The following ZNF676 variants were observed in gnomAD, a reference collection of about 807,000 sequenced individuals.
The protein encoded by ZNF676 is zinc finger protein 676.
Under a neutral mutation model 6.0 loss-of-function variants are expected in ZNF676, and 4 were observed. The ratio of observed to expected loss-of-function variants is 0.67; its 90% CI spans 0.33 to 1.53. The LOEUF (loss-of-function observed/expected upper bound fraction) is 1.53, where lower values mean the gene tolerates loss of function less well. Ranked by LOEUF, ZNF676 falls within the 40% of genes most tolerant of loss-of-function variation. The pLI is 0.06. For missense variants in ZNF676, 644 were observed against 679.7 expected (o/e 0.95, Z 0.58); for synonymous variants, 198 against 223.1 (o/e 0.89, Z 1.00).
At chr19:22,230,610 ATATG>A in the ZNF676 span, among the ~76,000 whole-genome samples, 1 of 150,980 alleles carries the variant, frequency 6.6e-6, no homozygotes, top group Non-Finnish European at 1.5e-5. Flanking sequence ...ATGTGTATAT[ATATG>A]TATGTATATT....
the ZNF676 span, among the ~76,000 whole-genome samples, chr19:22,234,591 C>G: frequency 6.6e-6 from 1 of 152,118 alleles, no homozygotes; most frequent in South Asian, 2.1e-4. Context: ...AGAGTTGTCT[C>G]TCAAAAGGAG....
At chr19:22,217,162 C>G (rs992113588), upstream of ZNF676, among the ~76,000 whole-genome samples, 3 of 151,992 alleles carry the variant, frequency 2.0e-5, no homozygotes, top group Non-Finnish European at 4.4e-5. Flanking sequence ...TCCTACCCTT[C>G]CCACTGAGTG....
Position 22,181,280 on chromosome 19 carries a change from T to G in ZNF676, c.437A>C (p.Tyr146Ser). Reference protein sequence around the residue: ...TGEKGLKCKEYVRSFCMLSHL... With the variant: ...TGEKGLKCKESVRSFCMLSHL... Reference sequence around the variant, plus strand: ...TGAAAGCATGCAAAATGATCTGACATATTCTTTACATTTCAAACCTTTCTC... The same window carrying G: ...TGAAAGCATGCAAAATGATCTGACAGATTCTTTACATTTCAAACCTTTCTC... Residue 146 changes from tyrosine to serine, a missense_variant, in exon 3 of 3, where the codon TAT becomes TCT. Transcript: ENST00000397121. 6.2e-7 allele frequency: 1 copy of G among 1,613,782 alleles called. No homozygotes were observed.
the ZNF676 span, among the ~76,000 whole-genome samples, chr19:22,252,804 A>T: frequency 2.0e-5 from 3 of 152,366 alleles, no homozygotes; most frequent in East Asian, 5.8e-4. Context: ...GAACCAAGAC[A>T]TTGACTAAGC....
Position 22,194,856 on chromosome 19 carries a change from G to A in ZNF676, c.34+1744C>T, listed in dbSNP as rs545406050. ...GATTCCCTCTCCCCAGGAACACCAG[G>A]AAGTGCACGATTAGATCTCCCAGTC... On this transcript the variant is annotated intron_variant, in intron 1 of 2. Transcript: ENST00000397121. Among the ~76,000 whole-genome samples, 3 of 152,226 alleles carry A rather than the reference G, an allele frequency of 2.0e-5. No homozygotes were observed. In the South Asian group the frequency reaches 6.2e-4, roughly 32 times the overall value.
chr19:22,243,121 A>G, the ZNF676 span: 1 of 151,926 alleles, frequency 6.6e-6, no homozygotes, highest in African/African-American at 2.4e-5. Context: ...ACATATCACA[A>G]TCTCTTTTGT....
chr19:22,249,121 C>T, the ZNF676 span, among the ~76,000 whole-genome samples: 6 of 152,070 alleles, frequency 3.9e-5, no homozygotes, highest in Admixed American at 6.6e-5. Context: ...AAGGAACAAA[C>T]GTAATGCCTT....
At chr19:22,247,959 A>C in the ZNF676 span, among the ~76,000 whole-genome samples, 1 of 129,186 alleles carries the variant, frequency 7.7e-6, no homozygotes, top group African/African-American at 3.0e-5. Flanking sequence ...AAGTGTTCTC[A>C]TTGCTCAATT....
chr19:22,241,860 T>C, the ZNF676 span, among the ~76,000 whole-genome samples: 1 of 151,848 alleles, frequency 6.6e-6, no homozygotes, highest in African/African-American at 2.4e-5. Context: ...CAATTCCAAC[T>C]GTAAGCTGCA....
chr19:22,255,324 G>A, the ZNF676 span, among the ~76,000 whole-genome samples: 1 of 152,166 alleles, frequency 6.6e-6, no homozygotes, highest in Non-Finnish European at 1.5e-5. Context: ...GGTGCGCACA[G>A]GAGTGTCATA....
At chr19:22,215,803 C>CA (rs535559247), upstream of ZNF676, 133 of 680,008 alleles carry the variant, frequency 2.0e-4, no homozygotes, top group Non-Finnish European at 2.5e-4. Context: ...CCTGTCCCCC[C>CA]CCCCAGCTGC....
the ZNF676 span, among the ~76,000 whole-genome samples, chr19:22,236,800 T>C: frequency 1.3e-5 from 2 of 152,230 alleles, no homozygotes; most frequent in African/African-American, 4.8e-5. Context: ...AAGATCACTG[T>C]GATGAATCAG....
the ZNF676 span, among the ~76,000 whole-genome samples, chr19:22,232,646 C>T: frequency 1.3e-5 from 2 of 151,984 alleles, no homozygotes; most frequent in Non-Finnish European, 2.9e-5. Flanking sequence ...AAACATTCTG[C>T]TTGATAGACC....
chr19:22,216,859 C>T (rs146423070), upstream of ZNF676, among the ~76,000 whole-genome samples: 626 of 150,462 alleles, frequency 4.2e-3, 27 homozygotes, highest in East Asian at 0.12. Flanking sequence ...TGCCTGAGCC[C>T]AGGAGGTTGT....
the ZNF676 span, among the ~76,000 whole-genome samples, chr19:22,241,643 A>C: frequency 6.6e-6 from 1 of 151,218 alleles, no homozygotes; most frequent in Non-Finnish European, 1.5e-5. Flanking sequence ...AGGGCTTTTT[A>C]TGTTATGCAT....
rs1460460779 is a variant in ZNF676, at chr19:22,181,467, T to C, written c.250A>G (p.Ser84Gly). ...TTACACTCATCCACATTGGTACAAC[T>C]AATTTTTAAGTGTAAATTCTCATGT... is the stretch of plus-strand genomic sequence containing the variant. ...CGHENLHLKI[S>G]CTNVDECNVH... The change falls in exon 3 of 3, where the codon AGT (serine) becomes GGT (glycine). Residue 84 changes from serine to glycine, a missense_variant. Transcript: ENST00000397121. The C allele has an allele frequency of 6.2e-7, 1 of 1,613,612 alleles. No individual in the cohort carries two copies. The highest frequency in any genetic ancestry group is 2.2e-5 in the East Asian group (1 of 44,818).
chr19:22,250,361 TAA>T, the ZNF676 span, among the ~76,000 whole-genome samples: 1 of 152,200 alleles, frequency 6.6e-6, no homozygotes, highest in African/African-American at 2.4e-5. Context: ...TTTGGAAAGC[TAA>T]GTCTTTATCA....
intron 1 of ZNF676, among the ~76,000 whole-genome samples, chr19:22,195,642 T>C (rs1298971409): frequency 6.6e-6 from 1 of 152,202 alleles, no homozygotes; most frequent in African/African-American, 2.4e-5. Context: ...TATAAACAAG[T>C]GGCAATGTTG....
At chr19:22,201,731 C>CAAAAAAAAA (rs35526921), upstream of ZNF676, among the ~76,000 whole-genome samples, 3 of 76,228 alleles carry the variant, frequency 3.9e-5, no homozygotes, top group Admixed American at 1.9e-4. Context: ...TTTGTAAAGG[C>CAAAAAAAAA]AAAAAAAAAA....
Sources: allele counts gnomAD v4.1 joint callset (sites outside exome capture counted in the v4.1 genomes callset), GRCh38; gene constraint gnomAD v4.1.1; transcripts MANE v1.5; gene names NCBI Gene and HGNC (gene_info 2026-07-23, HGNC 2026-07-21).